The following PARD3B variants were observed in gnomAD, a reference collection of about 807,000 sequenced individuals.
The protein encoded by PARD3B is partitioning defective 3 homolog B.
A neutral mutation model predicts 130.2 loss-of-function variants in PARD3B; 103 were observed. The ratio of observed to expected loss-of-function variants is 0.79; its 90% CI spans 0.67 to 0.93. The LOEUF is 0.93. Ranked by LOEUF, PARD3B falls within the 40% of genes least tolerant of loss-of-function variation. PARD3B has a pLI of 0.00. For missense variants in PARD3B, 1,609 were observed against 1,499.2 expected (o/e 1.07, Z -1.21); for synonymous variants, 583 against 553.2 (o/e 1.05, Z -0.76).
chr2:205,306,600 T>C (rs564759787), intron 18 of PARD3B, among the ~76,000 whole-genome samples: 46 of 152,240 alleles, frequency 3.0e-4, no homozygotes, highest in Non-Finnish European at 5.6e-4. Context: ...ATATATTCTG[T>C]ATTTTCATGT....
chr2:204,637,367 TATTGTTAACA>T (rs1473505948), intron 1 of PARD3B, among the ~76,000 whole-genome samples: 4 of 152,206 alleles, frequency 2.6e-5, no homozygotes, highest in Admixed American at 2.6e-4. Context: ...CCTACTGTCC[TATTGTTAACA>T]GTTAATTTCC....
In PARD3B at chr2:205,078,031, G is replaced by A. The variant is rs1448500191; in HGVS notation, c.505-26395G>A. ...ATTAAAATGCTGCCCTTTGGTTTTT[G>A]ACTTAATAATTAAGAATGACTTCAT... On this transcript the variant is annotated intron_variant, in intron 4 of 22. Transcript: ENST00000406610. The surrounding 1 kb of genome is among the most constrained non-coding windows in gnomAD (Gnocchi z 4.0). Among the ~76,000 whole-genome samples the A allele has an allele frequency of 6.6e-6, 1 of 152,112 alleles. No individual in the cohort carries two copies. The highest frequency in any genetic ancestry group is 6.5e-5 in the Admixed American group (1 of 15,272).
chr2:205,037,026 A>G (rs965145678), intron 3 of PARD3B, among the ~76,000 whole-genome samples: 2 of 150,450 alleles, frequency 1.3e-5, no homozygotes, highest in South Asian at 4.2e-4. Context: ...ATATACATAT[A>G]TAGCGGACTG....
At chr2:205,133,808 A>G (rs2032233117) in intron 10 of PARD3B, among the ~76,000 whole-genome samples, 1 of 152,202 alleles carries the variant, frequency 6.6e-6, no homozygotes, top group African/African-American at 2.4e-5. Context: ...TGACTTTCTC[A>G]GGTCCAACTC....
intron 18 of PARD3B, among the ~76,000 whole-genome samples, chr2:205,363,832 CTTTTTTTTTTTTTTTTT>C (rs59271830): frequency 2.1e-5 from 2 of 97,202 alleles, no homozygotes; most frequent in African/African-American, 1.3e-4. Context: ...GCCTGACTGA[CTTTTTTTTTTTTTTTTT>C]TTTTTTTTTT....
At chr2:205,248,060 C>T (rs1372078167) in intron 16 of PARD3B, among the ~76,000 whole-genome samples, 1 of 152,114 alleles carries the variant, frequency 6.6e-6, no homozygotes, top group African/African-American at 2.4e-5. Flanking sequence ...TCCCGGATAG[C>T]TGGGACTACA....
At chr2:205,482,456 G>C (rs1194973555) in intron 20 of PARD3B, 1 of 152,308 alleles carries the variant, frequency 6.6e-6, no homozygotes, top group Non-Finnish European at 1.5e-5. Flanking sequence ...GTTTTTTAAA[G>C]TTTAGTGAAA....
chr2:204,946,082 T>C (rs1449332666), intron 2 of PARD3B, among the ~76,000 whole-genome samples: 1 of 152,220 alleles, frequency 6.6e-6, no homozygotes. Flanking sequence ...GCATCTTTCC[T>C]CTTGCTTTTC....
intron 4 of PARD3B, among the ~76,000 whole-genome samples, chr2:205,057,400 GTGTTATATACATATACATATATACATGTA>G (rs1559396694): frequency 3.9e-5 from 5 of 129,572 alleles, no homozygotes; most frequent in Non-Finnish European, 8.3e-5. Context: ...ACATGTATAT[GTGTTATATACATATACATATATACATGTA>G]TATGTGTTAT....
At chr2:205,302,545 C>G (rs141470141) in intron 18 of PARD3B, among the ~76,000 whole-genome samples, 108 of 152,252 alleles carry the variant, frequency 7.1e-4, no homozygotes, top group Non-Finnish European at 1.3e-3. Flanking sequence ...GTCCTTTGTA[C>G]CAAAGTGTTA....
At chr2:205,172,519 G>A in intron 12 of PARD3B, 138 bp downstream of exon 12, 2 of 848,252 alleles carry the variant, frequency 2.4e-6, no homozygotes, top group Non-Finnish European at 3.5e-6. Flanking sequence ...ACAGGTGGTT[G>A]TGTATTTTAG....
intron 7 of PARD3B, among the ~76,000 whole-genome samples, chr2:205,120,904 G>T (rs1469749098): frequency 6.6e-6 from 1 of 152,172 alleles, no homozygotes; most frequent in African/African-American, 2.4e-5. Flanking sequence ...GGCATCTAGA[G>T]GCATGAGGAA....
chr2:205,499,899 C>G lies in PARD3B; in HGVS notation c.3048C>G (p.Gly1016=). The G allele has an allele frequency of 6.2e-7, 1 of 1,613,310 alleles. No individual in the cohort carries two copies. ...ATTATTTGTCTATATCCTGTAGTGG[C>G]CGTCCTACGGGTGGAAGCACTGACC... ...PYHPLVPADS[G]RPTGGSTDRI... is the part of the protein sequence containing the mutation. The change falls in exon 21 of 23, where the codon GGC becomes GGG. Residue 1016 remains glycine (G), a synonymous_variant. Transcript: ENST00000406610.
intron 10 of PARD3B, among the ~76,000 whole-genome samples, chr2:205,148,712 A>G (rs997063446): frequency 2.0e-5 from 3 of 152,004 alleles, no homozygotes; most frequent in African/African-American, 7.2e-5. Flanking sequence ...TGCTTTATAT[A>G]TTTTAAAAGT....
chr2:205,404,279 A>G (rs2046348144), intron 19 of PARD3B, among the ~76,000 whole-genome samples: 1 of 152,204 alleles, frequency 6.6e-6, no homozygotes, highest in Non-Finnish European at 1.5e-5. Flanking sequence ...AAGCTATGCA[A>G]ATGAAGTGAT....
rs1158191020 is a variant in PARD3B, at chr2:205,309,412, C to G, written c.2630+7711C>G. Among the ~76,000 whole-genome samples, 1 of 152,186 alleles carries G rather than the reference C, an allele frequency of 6.6e-6. No individual in the cohort carries two copies. The highest frequency in any genetic ancestry group is 1.5e-5 in the Non-Finnish European group (1 of 68,034). On this transcript the variant is annotated intron_variant, in intron 18 of 22. Coordinates refer to ENST00000406610, the MANE Select transcript of PARD3B (RefSeq NM_001302769.2). The surrounding 1 kb of genome is among the most constrained non-coding windows in gnomAD (Gnocchi z 4.7). ...ACCCTTGAGGCAAAGGTATTTTTAA[C>G]AATCTAGAGGCATCAACTTTTTGTT...
In PARD3B at chr2:204,546,110, C is replaced by T. The variant is rs1559147914; in HGVS notation, c.111C>T (p.Thr37=). 2 of 1,555,490 alleles carry T rather than the reference C, an allele frequency of 1.3e-6. No homozygotes were observed. Among genetic ancestry groups the T allele is most frequent in the Admixed American group, 1.9e-5 (1 of 52,114 alleles). The change falls in exon 1 of 23, where the codon ACC becomes ACT. Residue 37 remains threonine (T), a synonymous_variant. Coordinates refer to ENST00000406610, the MANE Select transcript of PARD3B (RefSeq NM_001302769.2). ...AGGCGCTGCAGCGGTACCTGAAGAC[C>T]CGGGAGAAGGTGAGCGCGGCGCGGA... ...TQQALQRYLK[T]REKGPGYWVK... is the part of the protein sequence containing the mutation.
intron 2 of PARD3B, among the ~76,000 whole-genome samples, chr2:204,776,543 A>T (rs2041629928): frequency 6.6e-6 from 1 of 152,076 alleles, no homozygotes; most frequent in Non-Finnish European, 1.5e-5. Context: ...GCAAGTGGCC[A>T]TTTCTCAAAA....
chr2:205,061,544 G>A (rs1700064143), intron 4 of PARD3B, among the ~76,000 whole-genome samples: 1 of 152,138 alleles, frequency 6.6e-6, no homozygotes, highest in Non-Finnish European at 1.5e-5. Flanking sequence ...AGCACTATGT[G>A]TGTGTGTTAA....
Sources: allele counts gnomAD v4.1 joint callset (sites outside exome capture counted in the v4.1 genomes callset), GRCh38; gene constraint gnomAD v4.1.1; non-coding constraint Gnocchi (gnomAD v3.1); transcripts MANE v1.5; gene names NCBI Gene and HGNC (gene_info 2026-07-23, HGNC 2026-07-21).